The following ALK variants were observed in gnomAD, a reference collection of about 807,000 sequenced individuals.
The protein encoded by ALK is ALK tyrosine kinase receptor.
A neutral mutation model predicts 163.1 loss-of-function variants in ALK; 74 were observed. The observed-to-expected ratio is 0.45, with a 90% confidence interval of 0.38 to 0.55. The LOEUF is 0.55. ALK is among the 20% of genes least tolerant of loss of function. ALK has a pLI of 0.00. For missense variants in ALK, 2,063 were observed against 2,105.3 expected (o/e 0.98, Z 0.39); for synonymous variants, 960 against 843.2 (o/e 1.14, Z -2.40).
chr2:29,633,695 G>C (rs1349565010), intron 3 of ALK, among the ~76,000 whole-genome samples: 1 of 151,950 alleles, frequency 6.6e-6, no homozygotes, highest in East Asian at 1.9e-4. Flanking sequence ...AGGAAAAAAA[G>C]AGAAAATGCA....
intron 1 of ALK, among the ~76,000 whole-genome samples, chr2:29,851,841 C>T (rs1219082558): frequency 6.6e-6 from 1 of 152,214 alleles, no homozygotes; most frequent in African/African-American, 2.4e-5. Flanking sequence ...CTGCTTAAAA[C>T]AGCTCTGGGA....
chr2:29,252,950 G>A (rs144860219), intron 11 of ALK, among the ~76,000 whole-genome samples: 48 of 151,854 alleles, frequency 3.2e-4, no homozygotes, highest in South Asian at 6.3e-4. Context: ...TTAGCCTCCT[G>A]AGTAGCTGGG....
At chr2:29,835,599 C>G (rs116753549) in intron 1 of ALK, among the ~76,000 whole-genome samples, 1,748 of 152,226 alleles carry the variant, frequency 0.011, 34 homozygotes, top group African/African-American at 0.04. Flanking sequence ...ATAAGAAAGT[C>G]CATGATATGG....
chr2:29,908,470 T>C (rs1446200238), intron 1 of ALK, among the ~76,000 whole-genome samples: 6 of 152,236 alleles, frequency 3.9e-5, no homozygotes, highest in Non-Finnish European at 8.8e-5. Flanking sequence ...CTGCACTCTC[T>C]CCAAGACCCT....
chr2:29,499,413 T>A (rs1425675298), intron 4 of ALK, among the ~76,000 whole-genome samples: 1 of 152,080 alleles, frequency 6.6e-6, no homozygotes, highest in Non-Finnish European at 1.5e-5. Flanking sequence ...TCAGGTTGGT[T>A]TTGAACCCCT....
chr2:29,541,820 T>C (rs890269154), intron 3 of ALK, among the ~76,000 whole-genome samples: 2 of 152,064 alleles, frequency 1.3e-5, no homozygotes, highest in South Asian at 2.1e-4. Flanking sequence ...AACGGAGAGG[T>C]TGATACCTTT....
At position 29,399,525 on chromosome 2, in the gene ALK, T is replaced by C. The variant is rs373624069; in HGVS notation, c.1155-15666A>G. Among the ~76,000 whole-genome samples the C allele has an allele frequency of 2.0e-4, 30 of 152,368 alleles. No individual in the cohort carries two copies. The East Asian group carries it at 3.9e-3, about 20-fold the overall frequency. ...ATGCGGAATGAAGAGCTACAGGGCA[T>C]GCTCAGAAGATTAGCTAGTGTGTGC... is the stretch of plus-strand genomic sequence containing the variant. On this transcript the variant is annotated intron_variant, in intron 4 of 28. Transcript: ENST00000389048.
At chr2:29,865,674 T>C (rs952420288) in intron 1 of ALK, among the ~76,000 whole-genome samples, 10 of 152,206 alleles carry the variant, frequency 6.6e-5, no homozygotes, top group African/African-American at 1.7e-4. Flanking sequence ...GGTTGGGGAT[T>C]GTGTTGGAGG....
chr2:29,843,609 G>A (rs907956592), intron 1 of ALK, among the ~76,000 whole-genome samples: 28 of 152,122 alleles, frequency 1.8e-4, no homozygotes, highest in African/African-American at 6.0e-4. Context: ...TTCATTGAAG[G>A]GGATTTCTAT....
intron 8 of ALK, among the ~76,000 whole-genome samples, chr2:29,313,601 C>T (rs1386785632): frequency 6.6e-6 from 1 of 152,162 alleles, no homozygotes; most frequent in Non-Finnish European, 1.5e-5. Context: ...CCATCTGTCT[C>T]CAGCAGGGCA....
chr2:29,469,678 C>A (rs1168515184), intron 4 of ALK, among the ~76,000 whole-genome samples: 1 of 152,166 alleles, frequency 6.6e-6, no homozygotes, highest in East Asian at 1.9e-4. Flanking sequence ...CATCCCCCAG[C>A]CTCCCAACGA....
intron 1 of ALK, among the ~76,000 whole-genome samples, chr2:29,809,490 G>T (rs1030552295): frequency 3.9e-5 from 6 of 152,226 alleles, no homozygotes; most frequent in African/African-American, 1.4e-4. Flanking sequence ...ACTACAGTTG[G>T]TCTGACTCCC....
intron 15 of ALK, among the ~76,000 whole-genome samples, chr2:29,231,687 G>C (rs1664212210): frequency 6.6e-6 from 1 of 152,158 alleles, no homozygotes; most frequent in South Asian, 2.1e-4. Context: ...TCCTCCCACA[G>C]TCTGATTGTG....
chr2:29,350,386 C>G (rs560141299), intron 5 of ALK, among the ~76,000 whole-genome samples: 1 of 152,338 alleles, frequency 6.6e-6, no homozygotes, highest in African/African-American at 2.4e-5. Context: ...CTAGTGGCCC[C>G]TTGGTGATCC....
chr2:29,725,951 C>A (rs900845785), intron 1 of ALK, among the ~76,000 whole-genome samples: 20 of 152,182 alleles, frequency 1.3e-4, no homozygotes, highest in African/African-American at 4.6e-4. Flanking sequence ...CCCAAGCAAG[C>A]ACCTCCTGAC....
intron 1 of ALK, among the ~76,000 whole-genome samples, chr2:29,876,286 T>C (rs1218065001): frequency 6.6e-6 from 1 of 152,192 alleles, no homozygotes; most frequent in African/African-American, 2.4e-5. Flanking sequence ...GTGATGGTAA[T>C]GATGACAGTG....
chr2:29,398,844 G>T (rs1669374488), intron 4 of ALK, among the ~76,000 whole-genome samples: 1 of 152,158 alleles, frequency 6.6e-6, no homozygotes, highest in African/African-American at 2.4e-5. Flanking sequence ...CTCAGAGCAG[G>T]TTCAGAGACA....
chr2:29,597,431 C>T (rs747145853), intron 3 of ALK, among the ~76,000 whole-genome samples: 14 of 152,174 alleles, frequency 9.2e-5, no homozygotes, highest in Non-Finnish European at 1.9e-4. Flanking sequence ...AATTTGGTGC[C>T]GAGTTGTTCC....
intron 3 of ALK, among the ~76,000 whole-genome samples, chr2:29,652,134 A>T (rs1558426590): frequency 1.3e-5 from 2 of 152,136 alleles, no homozygotes; most frequent in African/African-American, 4.8e-5. Context: ...ACAAATTTCT[A>T]TTTTATTATT....
Sources: gnomAD v4.1 joint callset for allele counts (sites outside exome capture counted in the v4.1 genomes callset) on GRCh38, gnomAD v4.1.1 for gene constraint, MANE v1.5 for transcripts, NCBI Gene and HGNC (gene_info 2026-07-23, HGNC 2026-07-21) for gene names.